ZNG1F: variants seen among roughly 807,000 people sequenced by gnomAD.
The protein encoded by ZNG1F is Zn regulated GTPase metalloprotein activator 1F.
the ZNG1F span, among the ~76,000 whole-genome samples, chr9:41,156,194 A>G: frequency 4.9e-5 from 6 of 123,330 alleles, 1 homozygote; most frequent in African/African-American, 6.8e-5. Flanking sequence ...TTCTACAGGA[A>G]AATGCAATAT....
At chr9:41,150,255 C>A in the ZNG1F span, among the ~76,000 whole-genome samples, 21 of 149,366 alleles carry the variant, frequency 1.4e-4, no homozygotes, top group African/African-American at 5.2e-4. Context: ...GAATACTGCG[C>A]TTTTCTGACG....
At chr9:41,171,409 TAG>T in the ZNG1F span, among the ~76,000 whole-genome samples, 20,344 of 56,092 alleles carry the variant, frequency 0.36, 3,823 homozygotes, top group East Asian at 0.55. Context: ...CATATCCCCT[TAG>T]AGCATAATTT....
chr9:41,138,957 G>T, the ZNG1F span, among the ~76,000 whole-genome samples: 17 of 133,574 alleles, frequency 1.3e-4, no homozygotes, highest in African/African-American at 4.8e-4. Context: ...AACCAACCTA[G>T]TGAATTCTTT....
chr9:41,173,856 G>A, the ZNG1F span, among the ~76,000 whole-genome samples: 2 of 147,554 alleles, frequency 1.4e-5, no homozygotes, highest in South Asian at 2.1e-4. Flanking sequence ...AGTGTGAAAA[G>A]AACAACAATG....
chr9:41,174,575 T>G, the ZNG1F span, among the ~76,000 whole-genome samples: 3 of 117,252 alleles, frequency 2.6e-5, no homozygotes, highest in Non-Finnish European at 3.5e-5. Context: ...TCTTGTTATT[T>G]CCTTTAAAAA....
the ZNG1F span, among the ~76,000 whole-genome samples, chr9:41,200,829 A>G: frequency 1.3e-5 from 2 of 152,088 alleles, no homozygotes; most frequent in African/African-American, 2.4e-5. Flanking sequence ...TTTTAAAACC[A>G]TCAGATCTTG....
the ZNG1F span, among the ~76,000 whole-genome samples, chr9:41,195,696 G>T: frequency 9.6e-6 from 1 of 104,116 alleles, no homozygotes. Flanking sequence ...AGATACTATA[G>T]GAGTGGTGGA....
At chr9:41,135,692 C>T in the ZNG1F span, among the ~76,000 whole-genome samples, 1 of 72,266 alleles carries the variant, frequency 1.4e-5, no homozygotes, top group Non-Finnish European at 2.6e-5. Flanking sequence ...TTTGATGGGA[C>T]TGCTTTTCTT....
the ZNG1F span, among the ~76,000 whole-genome samples, chr9:41,148,647 C>T: frequency 7.1e-6 from 1 of 140,106 alleles, no homozygotes; most frequent in Non-Finnish European, 1.5e-5. Context: ...AATAACTGCC[C>T]TGCCTGTCCC....
chr9:41,164,545 G>A, the ZNG1F span: 1 of 70,162 alleles, frequency 1.4e-5, no homozygotes, highest in African/African-American at 3.8e-5. Flanking sequence ...ACTTCACATA[G>A]GAAGGGGGGA....
chr9:41,160,285 CAT>C, the ZNG1F span, among the ~76,000 whole-genome samples: 1 of 55,662 alleles, frequency 1.8e-5, no homozygotes, highest in Non-Finnish European at 3.6e-5. Context: ...TTTTTCTACA[CAT>C]GCTTATAGCA....
At chr9:41,183,681 T>C in the ZNG1F span, 2 of 1,606,176 alleles carry the variant, frequency 1.2e-6, no homozygotes, top group Non-Finnish European at 1.7e-6. Flanking sequence ...TAACAAACAA[T>C]AAATAAACAA....
chr9:41,154,702 A>G, the ZNG1F span, among the ~76,000 whole-genome samples: 395 of 149,498 alleles, frequency 2.6e-3, 11 homozygotes, highest in African/African-American at 9.0e-3. Flanking sequence ...ATAATGCCGC[A>G]TATCTACAAC....
chr9:41,183,810 G>T, the ZNG1F span: 1 of 1,247,586 alleles, frequency 8.0e-7, no homozygotes. Context: ...TATTCATGCA[G>T]CCTTGATACC....
chr9:41,159,224 C>T, the ZNG1F span, among the ~76,000 whole-genome samples: 1 of 149,834 alleles, frequency 6.7e-6, no homozygotes, highest in African/African-American at 2.4e-5. Flanking sequence ...CCAGCCAATC[C>T]AAGTATCCAG....
the ZNG1F span, among the ~76,000 whole-genome samples, chr9:41,138,998 T>G: frequency 7.9e-6 from 1 of 126,306 alleles, no homozygotes; most frequent in Non-Finnish European, 1.7e-5. Context: ...CTTCTTAGTT[T>G]GGATCCATTG....
the ZNG1F span, chr9:41,183,458 A>C: frequency 3.2e-6 from 4 of 1,234,944 alleles, no homozygotes; most frequent in Non-Finnish European, 2.2e-6. Context: ...AAATACAATG[A>C]AGCAAACTGT....
chr9:41,151,101 GA>G, the ZNG1F span, among the ~76,000 whole-genome samples: 2 of 124,296 alleles, frequency 1.6e-5, no homozygotes, highest in African/African-American at 3.1e-5. Flanking sequence ...TGAAAACTTT[GA>G]AAAAAATTTA....
chr9:41,133,888 G>C, the ZNG1F span: 1 of 1,131,554 alleles, frequency 8.8e-7, no homozygotes, highest in African/African-American at 1.6e-5. Context: ...CTCAGCATAT[G>C]TGCTGTTTTT....
Sources: allele counts gnomAD v4.1 joint callset (sites outside exome capture counted in the v4.1 genomes callset), GRCh38; gene constraint gnomAD v4.1.1; transcripts MANE v1.5; gene names NCBI Gene and HGNC (gene_info 2026-07-23, HGNC 2026-07-21).